The following ADGRL3 variants were observed in gnomAD, a reference collection of about 807,000 sequenced individuals.
ADGRL3 encodes the protein adhesion G protein-coupled receptor L3.
In ADGRL3, 62 loss-of-function variants were observed where a neutral mutation model predicts 153.5. The observed-to-expected ratio is 0.40, with a 90% CI of 0.33 to 0.50. The LOEUF is 0.50. Ranked by LOEUF, ADGRL3 falls within the 20% of genes least tolerant of loss-of-function variation. The pLI is 0.47. For missense variants in ADGRL3, 1,641 were observed against 1,859.4 expected, an observed-to-expected ratio of 0.88 and a Z score of 2.16; for synonymous variants, 710 against 672.5, an observed-to-expected ratio of 1.06 and a Z score of -0.86.
At chr4:61,813,269 C>G (rs1160849658) in intron 8 of ADGRL3, among the ~76,000 whole-genome samples, 1 of 152,128 alleles carries the variant, frequency 6.6e-6, no homozygotes, top group African/African-American at 2.4e-5. Flanking sequence ...TGGCACACAT[C>G]TGTAATCCCA....
chr4:61,415,993 T>C (rs1334615371), intron 2 of ADGRL3, among the ~76,000 whole-genome samples: 42 of 152,246 alleles, frequency 2.8e-4, no homozygotes, highest in Non-Finnish European at 2.9e-5. Flanking sequence ...TACCTTTTTC[T>C]CCATCTGTCT....
intron 4 of ADGRL3, among the ~76,000 whole-genome samples, chr4:61,568,274 A>G (rs1227425519): frequency 6.6e-6 from 1 of 152,186 alleles, no homozygotes; most frequent in African/African-American, 2.4e-5. Flanking sequence ...AACAAACAAA[A>G]TAAGAATTAT....
At chr4:62,045,028 G>A (rs552452947) in intron 25 of ADGRL3, among the ~76,000 whole-genome samples, 89 of 152,080 alleles carry the variant, frequency 5.9e-4, no homozygotes, top group African/African-American at 2.0e-3. Flanking sequence ...GGATAATATT[G>A]GATATTTAAA....
chr4:61,678,973 C>A (rs1046104098), intron 6 of ADGRL3, among the ~76,000 whole-genome samples: 1 of 151,994 alleles, frequency 6.6e-6, no homozygotes, highest in African/African-American at 2.4e-5. Flanking sequence ...GAGAGAAAGA[C>A]AACCAGAGAT....
At chr4:61,444,341 G>A (rs2097558562) in intron 2 of ADGRL3, among the ~76,000 whole-genome samples, 1 of 152,090 alleles carries the variant, frequency 6.6e-6, no homozygotes, top group African/African-American at 2.4e-5. Context: ...GGACTTGCCT[G>A]TAGACACACC....
At chr4:61,749,152 G>T (rs140766850) in intron 8 of ADGRL3, among the ~76,000 whole-genome samples, 1 of 151,532 alleles carries the variant, frequency 6.6e-6, no homozygotes, top group African/African-American at 2.4e-5. Context: ...AATCAAAACC[G>T]CAATGAGATA....
chr4:61,925,322 G>A (rs2098789804), intron 13 of ADGRL3, among the ~76,000 whole-genome samples: 1 of 152,042 alleles, frequency 6.6e-6, no homozygotes, highest in Non-Finnish European at 1.5e-5. Context: ...TATTTTGTTA[G>A]TGTTTCTGTA....
At chr4:61,998,574 T>C (rs1444023455) in intron 21 of ADGRL3, among the ~76,000 whole-genome samples, 1 of 151,890 alleles carries the variant, frequency 6.6e-6, no homozygotes, top group Non-Finnish European at 1.5e-5. Context: ...TATTCTTTTT[T>C]TTTTTTTTAT....
intron 1 of ADGRL3, among the ~76,000 whole-genome samples, chr4:61,372,255 T>A (rs2096542052): frequency 6.6e-6 from 1 of 152,184 alleles, no homozygotes; most frequent in South Asian, 2.1e-4. Context: ...CCGTCCAGCT[T>A]TGTTCCGTTG....
chr4:61,708,928 G>T (rs1412340433), intron 6 of ADGRL3, among the ~76,000 whole-genome samples: 2 of 151,896 alleles, frequency 1.3e-5, no homozygotes, highest in Non-Finnish European at 2.9e-5. Flanking sequence ...TCCTACCTCA[G>T]CCTCCCCAGT....
At chr4:61,521,523 G>A (rs1395328574) in intron 4 of ADGRL3, among the ~76,000 whole-genome samples, 1 of 152,140 alleles carries the variant, frequency 6.6e-6, no homozygotes, top group Non-Finnish European at 1.5e-5. Flanking sequence ...AACCAAAACA[G>A]TCTTCAAGAC....
chr4:61,782,038 T>C (rs2345044), intron 8 of ADGRL3, among the ~76,000 whole-genome samples: 85,600 of 152,018 alleles, frequency 0.56, 26,524 homozygotes, highest in African/African-American at 0.83. Context: ...GGAATTGATC[T>C]TTTTAAATTA....
At chr4:61,766,332 T>C (rs1454927991) in intron 8 of ADGRL3, among the ~76,000 whole-genome samples, 3 of 151,952 alleles carry the variant, frequency 2.0e-5, no homozygotes, top group East Asian at 1.9e-4. Context: ...GAGTTGAGCA[T>C]AGTTTGTGAT....
chr4:61,675,620 T>G (rs1483182930), intron 5 of ADGRL3, among the ~76,000 whole-genome samples: 1 of 147,654 alleles, frequency 6.8e-6, no homozygotes, highest in African/African-American at 2.5e-5. Flanking sequence ...ATTCATGTTT[T>G]TTTTTTCCTA....
At chr4:61,736,859 T>TATCA in intron 8 of ADGRL3, among the ~76,000 whole-genome samples, 1 of 152,190 alleles carries the variant, frequency 6.6e-6, no homozygotes, top group Non-Finnish European at 1.5e-5. Context: ...CACAAAAAAC[T>TATCA]ATCAATTTTC....
intron 1 of ADGRL3, among the ~76,000 whole-genome samples, chr4:61,366,072 C>A (rs1465334939): frequency 6.6e-6 from 1 of 152,094 alleles, no homozygotes; most frequent in Admixed American, 6.6e-5. Context: ...CTGTGATATG[C>A]TAGATCCTTT....
intron 6 of ADGRL3, among the ~76,000 whole-genome samples, chr4:61,685,471 A>G (rs897413092): frequency 2.6e-5 from 4 of 152,100 alleles, no homozygotes; most frequent in African/African-American, 9.7e-5. Context: ...ATAAAGAACA[A>G]TGAAGGGGCT....
At chr4:61,351,240 A>C (rs952735343) in intron 1 of ADGRL3, among the ~76,000 whole-genome samples, 1 of 152,186 alleles carries the variant, frequency 6.6e-6, no homozygotes, top group African/African-American at 2.4e-5. Flanking sequence ...CAGTTCTGTG[A>C]AGGCTGAGAG....
chr4:61,317,530 A>T (rs1451269970), intron 1 of ADGRL3, among the ~76,000 whole-genome samples: 1 of 152,156 alleles, frequency 6.6e-6, no homozygotes, highest in Non-Finnish European at 1.5e-5. Flanking sequence ...AAAGCTGCTA[A>T]CTCATTTCTT....
Sources: gnomAD v4.1 joint callset for allele counts (sites outside exome capture counted in the v4.1 genomes callset) on GRCh38, gnomAD v4.1.1 for gene constraint, MANE v1.5 for transcripts, NCBI Gene and HGNC (gene_info 2026-07-23, HGNC 2026-07-21) for gene names.